Variants in ADD3 observed in about 807,000 individuals in gnomAD.
The protein encoded by ADD3 is gamma-adducin.
ADD3 carries 25 observed loss-of-function variants against 80.2 expected under a neutral mutation model. The ratio of observed to expected loss-of-function variants is 0.31; its 90% CI spans 0.23 to 0.44. The LOEUF is 0.44. ADD3 is among the 20% of genes least tolerant of loss of function. ADD3 has a pLI of 1.00. For missense variants in ADD3, 829 were observed against 847.5 expected, an observed-to-expected ratio of 0.98 and a Z score of 0.27; for synonymous variants, 284 against 289.6, an observed-to-expected ratio of 0.98 and a Z score of 0.20.
chr10:110,116,176 G>A, intron 3 of ADD3, 83 bp from the exon 4 acceptor site: 2 of 1,390,708 alleles, frequency 1.4e-6, no homozygotes, highest in Non-Finnish European at 2.0e-6. Context: ...GATACTCCCA[G>A]ACGCAGGCTA....
At position 110,134,724 on chromosome 10, in the gene ADD3, CAT is replaced by C. The variant is rs921898410; in HGVS notation, c.*1107_*1108del. ...GATACAAAGTGTGATTTGTTGGAAACATGTCCCAAATTTCTAAAATTCTGCTT... is the reference window on the plus strand; with the variant it reads ...GATACAAAGTGTGATTTGTTGGAAACGTCCCAAATTTCTAAAATTCTGCTT... On this transcript the variant is annotated 3_prime_UTR_variant, in exon 15 of 15. Coordinates refer to ENST00000356080, the MANE Select transcript of ADD3 (RefSeq NM_016824.5). 8.5e-5 allele frequency: 13 copies of C among 152,712 alleles called. No individual in the cohort carries two copies. Among genetic ancestry groups the C allele is most frequent in the South Asian group, 2.1e-4 (1 of 4,826 alleles). 9.5% of individuals were successfully genotyped at this position (152,712 alleles called of 1,614,324 possible). A position where few individuals can be genotyped will look rare whatever the true frequency, so the allele number is the denominator to read the frequency against.
intron 1 of ADD3, among the ~76,000 whole-genome samples, chr10:110,041,804 G>A (rs1242098000): frequency 6.6e-6 from 1 of 152,158 alleles, no homozygotes; most frequent in Non-Finnish European, 1.5e-5. Context: ...CCTGACAGCT[G>A]ATAGGCATGT....
At chr10:110,051,007 C>T (rs58224823) in intron 1 of ADD3, among the ~76,000 whole-genome samples, 18,932 of 152,156 alleles carry the variant, frequency 0.12, 3,764 homozygotes, top group African/African-American at 0.42. Context: ...AAGTAACTCA[C>T]ATATACAGTC....
chr10:110,067,634 C>G (rs1844134064), intron 1 of ADD3, among the ~76,000 whole-genome samples: 1 of 152,136 alleles, frequency 6.6e-6, no homozygotes, highest in African/African-American at 2.4e-5. Context: ...TGAGGAAGAA[C>G]CTTACACTGA....
chr10:110,087,880 G>A (rs1846994890), intron 1 of ADD3, among the ~76,000 whole-genome samples: 1 of 152,122 alleles, frequency 6.6e-6, no homozygotes, highest in Non-Finnish European at 1.5e-5. Flanking sequence ...AGTTCCGGAG[G>A]CCAGAGGTCC....
chr10:110,017,997 G>A lies in ADD3; in HGVS notation c.-30+9698G>A, dbSNP rs191381392. Reference sequence around the variant, plus strand: ...TATTCTTAACCCAGTCACCCTTAGGGCTTCTGGTCCTTCTCCTTTATCTGT... The same window carrying A: ...TATTCTTAACCCAGTCACCCTTAGGACTTCTGGTCCTTCTCCTTTATCTGT... On this transcript the variant is annotated intron_variant, in intron 1 of 14. Coordinates refer to ENST00000356080, the MANE Select transcript of ADD3 (RefSeq NM_016824.5). 2.8e-4 allele frequency among the ~76,000 whole-genome samples: 42 copies of A among 152,236 alleles called. No homozygotes were observed. The East Asian group carries it at 4.2e-3, about 15-fold the overall frequency.
At chr10:110,053,901 C>A (rs1325747186) in intron 1 of ADD3, among the ~76,000 whole-genome samples, 1 of 152,124 alleles carries the variant, frequency 6.6e-6, no homozygotes, top group Non-Finnish European at 1.5e-5. Flanking sequence ...CAAAAAATGC[C>A]AAGTTCTATG....
intron 1 of ADD3, among the ~76,000 whole-genome samples, chr10:110,040,945 GCTCTCTCTGTCTCTCTCTGTC>G (rs1564879648): frequency 2.0e-4 from 18 of 91,036 alleles, no homozygotes; most frequent in African/African-American, 5.8e-4. Flanking sequence ...TCTCTCTCTC[GCTCTCTCTGTCTCTCTCTGTC>G]TCTCTCTCTC....
intron 1 of ADD3, among the ~76,000 whole-genome samples, chr10:110,035,134 A>C (rs994409512): frequency 6.6e-6 from 1 of 152,228 alleles, no homozygotes; most frequent in Non-Finnish European, 1.5e-5. Context: ...CAGACCATCA[A>C]ACACCAAGTG....
intron 1 of ADD3, among the ~76,000 whole-genome samples, chr10:110,075,185 C>CT (rs1564932144): frequency 1.3e-5 from 2 of 152,056 alleles, no homozygotes; most frequent in East Asian, 3.8e-4. Flanking sequence ...AATGTCACAC[C>CT]TTGTCTGTGC....
chr10:109,996,892 G>A (rs190752836), intron 1 of ADD3, among the ~76,000 whole-genome samples: 1 of 152,314 alleles, frequency 6.6e-6, no homozygotes, highest in Admixed American at 6.5e-5. Context: ...TTCAGGTTCT[G>A]CTATCATACA....
At chr10:110,100,483 TG>T in intron 1 of ADD3, 141 bp from the exon 2 acceptor site, 1 of 455,656 alleles carries the variant, frequency 2.2e-6, no homozygotes, top group East Asian at 3.5e-5. Context: ...AATAAAAAAT[TG>T]TTCTAATATT....
Position 110,119,220 on chromosome 10 carries a change from A to T in ADD3, c.727A>T (p.Met243Leu). Residue 243 changes from methionine to leucine, a missense_variant, in exon 7 of 15, where the codon ATG becomes TTG. Coordinates refer to ENST00000356080, the MANE Select transcript of ADD3 (RefSeq NM_016824.5). Reference protein sequence around the residue: ...HTLATAAVSSMKCGILPISQE... With the variant: ...HTLATAAVSSLKCGILPISQE... The stretch of plus-strand genomic sequence containing the variant: ...GGGCCAAACCAAATAGGTATCCTCC[A>T]TGAAATGTGGGATCCTTCCAATTTC... 1.9e-6 allele frequency: 3 copies of T among 1,614,158 alleles called. No individual in the cohort carries two copies. The highest frequency in any genetic ancestry group is 2.5e-6 in the Non-Finnish European group (3 of 1,180,004).
At position 110,116,440 on chromosome 10, in the gene ADD3, T is replaced by A. The variant is rs575383701; in HGVS notation, c.486+30T>A. 73 of 1,609,952 alleles carry A rather than the reference T, an allele frequency of 4.5e-5. 3 individuals carry two copies. The South Asian group carries it at 7.8e-4, about 17-fold the overall frequency. ...GTTCTTCAGCTTTCAATTCCTTTTTTAAAAAATTCCAGCTAGAAGGCAACT... is the reference window on the plus strand; with the variant it reads ...GTTCTTCAGCTTTCAATTCCTTTTTAAAAAAATTCCAGCTAGAAGGCAACT... On this transcript the variant is annotated intron_variant, in intron 4 of 14. Transcript: ENST00000356080.
At chr10:110,101,705 G>A (rs1268183511) in intron 2 of ADD3, among the ~76,000 whole-genome samples, 1 of 151,662 alleles carries the variant, frequency 6.6e-6, no homozygotes, top group Non-Finnish European at 1.5e-5. Flanking sequence ...CAGACTTTGT[G>A]AATCATATTC....
intron 1 of ADD3, among the ~76,000 whole-genome samples, chr10:110,017,774 G>A (rs1426861210): frequency 6.6e-6 from 1 of 152,152 alleles, no homozygotes; most frequent in African/African-American, 2.4e-5. Context: ...TACCTTACGT[G>A]TATGTACTAA....
At chr10:110,105,819 T>A (rs1849343339) in intron 2 of ADD3, among the ~76,000 whole-genome samples, 1 of 152,228 alleles carries the variant, frequency 6.6e-6, no homozygotes, top group Non-Finnish European at 1.5e-5. Flanking sequence ...AAAATCACCA[T>A]GATCTGTGGT....
chr10:110,079,379 T>C (rs1254770559), intron 1 of ADD3: 1 of 147,358 alleles, frequency 6.8e-6, no homozygotes, highest in African/African-American at 2.5e-5. Context: ...CCCACCCTAA[T>C]CCCTCAGCCC....
chr10:110,002,618 T>C (rs1372004125), upstream of ADD3, among the ~76,000 whole-genome samples: 2 of 152,142 alleles, frequency 1.3e-5, no homozygotes, highest in Non-Finnish European at 2.9e-5. Flanking sequence ...GTCTTTATGT[T>C]CTACATATGA....
Sources: allele counts gnomAD v4.1 joint callset (sites outside exome capture counted in the v4.1 genomes callset), GRCh38; gene constraint gnomAD v4.1.1; transcripts MANE v1.5; gene names NCBI Gene and HGNC (gene_info 2026-07-23, HGNC 2026-07-21).